The following CPSF3 variants were observed in gnomAD, a reference collection of about 807,000 sequenced individuals.
The protein encoded by CPSF3 is cleavage and polyadenylation specificity factor subunit 3.
A neutral mutation model predicts 84.1 loss-of-function variants in CPSF3; 57 were observed. The observed-to-expected ratio is 0.68, with a 90% CI of 0.55 to 0.85. The LOEUF (loss-of-function observed/expected upper bound fraction) is 0.85, where lower values mean the gene tolerates loss of function less well. CPSF3 is among the 40% of genes least tolerant of loss of function. The pLI is 0.00. For synonymous variants in CPSF3, 275 were observed against 278.1 expected (o/e 0.99, Z 0.11); for missense variants, 522 against 838.8 (o/e 0.62, Z 4.66).
At chr2:9,426,493 G>C (rs1680398079) in intron 1 of CPSF3, among the ~76,000 whole-genome samples, 1 of 152,180 alleles carries the variant, frequency 6.6e-6, no homozygotes, top group Non-Finnish European at 1.5e-5. Context: ...ATGTATTAAA[G>C]GTCTAGAATT....
intron 15 of CPSF3, among the ~76,000 whole-genome samples, chr2:9,465,024 T>C (rs538627085): frequency 1.8e-4 from 27 of 152,252 alleles, no homozygotes; most frequent in Admixed American, 1.6e-3. Flanking sequence ...TAGTTGTATA[T>C]ACAATTGAAA....
intron 4 of CPSF3, 49 bp from the exon 5 acceptor site, chr2:9,432,462 T>G: frequency 7.4e-7 from 1 of 1,358,790 alleles, no homozygotes; most frequent in Non-Finnish European, 9.7e-7. Context: ...AAAGGCTTTT[T>G]AAAAAATCTG....
At chr2:9,472,685 G>C (rs1054546727) in intron 17 of CPSF3, among the ~76,000 whole-genome samples, 2 of 151,902 alleles carry the variant, frequency 1.3e-5, no homozygotes, top group Non-Finnish European at 2.9e-5. Context: ...ACCCGGTCTC[G>C]CAGTGCCGCC....
chr2:9,464,267 C>A (rs2124864824), intron 15 of CPSF3, among the ~76,000 whole-genome samples: 1 of 152,214 alleles, frequency 6.6e-6, no homozygotes, highest in South Asian at 2.1e-4. Flanking sequence ...GACAGGTATA[C>A]CTGTCTGATT....
intron 11 of CPSF3, among the ~76,000 whole-genome samples, chr2:9,450,441 C>T (rs1681286158): frequency 6.6e-6 from 1 of 151,976 alleles, no homozygotes. Context: ...AGGCGTGACC[C>T]ACCGTGCCCA....
chr2:9,451,095 G>A (rs1258230103), intron 11 of CPSF3, among the ~76,000 whole-genome samples: 2 of 152,186 alleles, frequency 1.3e-5, no homozygotes, highest in African/African-American at 4.8e-5. Flanking sequence ...TTTGCAGTCA[G>A]ACAGTTTAGA....
chr2:9,451,402 G>A (rs1007728886), intron 11 of CPSF3, among the ~76,000 whole-genome samples: 12 of 152,170 alleles, frequency 7.9e-5, no homozygotes, highest in African/African-American at 2.9e-4. Flanking sequence ...AGGCAAACAA[G>A]TATGGAACAC....
intron 15 of CPSF3, among the ~76,000 whole-genome samples, chr2:9,461,602 G>A (rs1360009346): frequency 1.3e-5 from 2 of 151,764 alleles, no homozygotes; most frequent in African/African-American, 4.8e-5. Flanking sequence ...ACCGGGGGGC[G>A]GAGGTTGCAG....
intron 15 of CPSF3, among the ~76,000 whole-genome samples, chr2:9,461,474 C>G (rs1275747102): frequency 6.6e-6 from 1 of 151,990 alleles, no homozygotes; most frequent in African/African-American, 2.4e-5. Context: ...ACCAGCCTGG[C>G]CAACATGGTG....
chr2:9,459,447 C>T, intron 14 of CPSF3, 84 bp from the exon 15 acceptor site: 1 of 816,156 alleles, frequency 1.2e-6, no homozygotes, highest in East Asian at 2.4e-5. Context: ...ATGTACAGTC[C>T]ATGGTTTGGT....
At chr2:9,468,074 C>G (rs945033611) in intron 16 of CPSF3, 2 of 291,690 alleles carry the variant, frequency 6.9e-6, no homozygotes, top group African/African-American at 4.3e-5. Context: ...AGGACAAGTT[C>G]AAAAATCTTA....
At chr2:9,430,610 C>T (rs2148935003) in intron 3 of CPSF3, 142 bp from the exon 4 acceptor site, 1 of 678,910 alleles carries the variant, frequency 1.5e-6, no homozygotes, top group East Asian at 2.6e-5. Context: ...TCCTTCTACA[C>T]ATACCTACTC....
At chr2:9,462,292 C>T (rs933928525) in intron 15 of CPSF3, among the ~76,000 whole-genome samples, 5 of 152,204 alleles carry the variant, frequency 3.3e-5, no homozygotes, top group Non-Finnish European at 7.3e-5. Context: ...CACTATATTT[C>T]TGATAGCCCT....
chr2:9,447,044 G>T (rs1414399524), intron 10 of CPSF3, among the ~76,000 whole-genome samples: 1 of 152,106 alleles, frequency 6.6e-6, no homozygotes, highest in African/African-American at 2.4e-5. Flanking sequence ...GGGTGGCTAA[G>T]GTGGGAGGAT....
At chr2:9,459,112 CA>C (rs553161569) in intron 14 of CPSF3, among the ~76,000 whole-genome samples, 200 of 135,386 alleles carry the variant, frequency 1.5e-3, no homozygotes, top group Middle Eastern at 3.9e-3. Flanking sequence ...AATTCCATCT[CA>C]AAAAAAAAAA....
chr2:9,459,745 G>C (rs1681669637), intron 15 of CPSF3, 127 bp downstream of exon 15: 1 of 528,462 alleles, frequency 1.9e-6, no homozygotes, highest in Non-Finnish European at 3.2e-6. Flanking sequence ...CACTTCCCAG[G>C]TTCAAGCAAT....
chr2:9,429,228 C>A (rs1680493391), intron 2 of CPSF3, among the ~76,000 whole-genome samples: 1 of 152,216 alleles, frequency 6.6e-6, no homozygotes. Flanking sequence ...ATCCCCAGGT[C>A]CCACTGGGGC....
chr2:9,442,928 C>G (rs1054991840), intron 9 of CPSF3, among the ~76,000 whole-genome samples: 1 of 151,992 alleles, frequency 6.6e-6, no homozygotes, highest in African/African-American at 2.4e-5. Flanking sequence ...TTCAGGAGGC[C>G]ACAGCAGGTG....
intron 15 of CPSF3, among the ~76,000 whole-genome samples, chr2:9,459,992 C>T (rs1302112401): frequency 6.6e-6 from 1 of 151,980 alleles, no homozygotes; most frequent in Admixed American, 6.6e-5. Flanking sequence ...TTTCTGTGAA[C>T]TAAAAGGCAG....
Sources: allele counts gnomAD v4.1 joint callset (sites outside exome capture counted in the v4.1 genomes callset), GRCh38; gene constraint gnomAD v4.1.1; transcripts MANE v1.5; gene names NCBI Gene and HGNC (gene_info 2026-07-23, HGNC 2026-07-21).